Variants in FDFT1 observed in about 807,000 individuals in gnomAD.
The protein encoded by FDFT1 is squalene synthase.
Under a neutral mutation model 46.8 loss-of-function variants are expected in FDFT1, and 68 were observed. That is an observed-to-expected ratio of 1.45 (90% CI 1.19 to 1.78). The LOEUF (loss-of-function observed/expected upper bound fraction) is 1.78, where lower values mean the gene tolerates loss of function less well. Ranked by LOEUF, FDFT1 falls within the 40% of genes most tolerant of loss-of-function variation. FDFT1 has a pLI of 0.00. For synonymous variants in FDFT1, 351 were observed against 185.1 expected (o/e 1.90, Z -7.28); for missense variants, 928 against 524.4 (o/e 1.77, Z -7.52).
chr8:11,836,366 C>A (rs1305911393), intron 7 of FDFT1, among the ~76,000 whole-genome samples: 1 of 152,228 alleles, frequency 6.6e-6, no homozygotes, highest in African/African-American at 2.4e-5. Context: ...TAGGGCTGGA[C>A]CTTGCCTTCT....
chr8:11,822,966 A>AT (rs1809466598), intron 4 of FDFT1, among the ~76,000 whole-genome samples: 1 of 152,048 alleles, frequency 6.6e-6, no homozygotes, highest in Non-Finnish European at 1.5e-5. Context: ...ATTAAAAAAA[A>AT]TTTTTTTTGA....
intron 3 of FDFT1, among the ~76,000 whole-genome samples, chr8:11,819,083 A>C (rs4308694): frequency 1.3e-5 from 2 of 151,920 alleles, no homozygotes; most frequent in African/African-American, 4.8e-5. Flanking sequence ...GCTTGTCTGT[A>C]AAGGATTTTA....
At chr8:11,801,483 C>G (rs1259363654), upstream of FDFT1, among the ~76,000 whole-genome samples, 2 of 152,148 alleles carry the variant, frequency 1.3e-5, no homozygotes, top group African/African-American at 4.8e-5. Context: ...CCATGCCTGG[C>G]TAATTTTTGT....
intron 7 of FDFT1, among the ~76,000 whole-genome samples, chr8:11,832,735 G>C (rs1424925361): frequency 2.0e-5 from 3 of 151,890 alleles, no homozygotes; most frequent in Non-Finnish European, 4.4e-5. Flanking sequence ...GGGTGCTACT[G>C]GCATCTGGTG....
intron 3 of FDFT1, 30 bp from the exon 4 acceptor site, chr8:11,821,720 A>G (rs1391410124): frequency 6.2e-7 from 1 of 1,610,338 alleles, no homozygotes; most frequent in East Asian, 2.2e-5. Context: ...ATATTTCATG[A>G]TTTCTGTGTT....
At chr8:11,808,425 G>C (rs955707682) in intron 1 of FDFT1, 15 of 1,257,728 alleles carry the variant, frequency 1.2e-5, no homozygotes, top group Non-Finnish European at 1.5e-5. Context: ...GCGCGTATTC[G>C]AGTAGAGGGC....
At chr8:11,798,605 G>A (rs947997990), upstream of FDFT1, among the ~76,000 whole-genome samples, 4 of 152,232 alleles carry the variant, frequency 2.6e-5, no homozygotes, top group African/African-American at 9.7e-5. Flanking sequence ...AAAACTGAGA[G>A]GCTGTTAACG....
intron 4 of FDFT1, 51 bp from the exon 5 acceptor site, chr8:11,825,973 A>G (rs2130840969): frequency 7.3e-7 from 1 of 1,362,182 alleles, no homozygotes. Flanking sequence ...TAGTGTGTCC[A>G]TTTCAGTAAA....
intron 4 of FDFT1, among the ~76,000 whole-genome samples, chr8:11,823,935 A>G (rs1056563878): frequency 6.6e-6 from 1 of 151,984 alleles, no homozygotes; most frequent in Non-Finnish European, 1.5e-5. Context: ...TGGTAGAGAC[A>G]GGGTTTCATC....
At chr8:11,819,182 C>T (rs1405881049) in intron 3 of FDFT1, among the ~76,000 whole-genome samples, 1 of 152,190 alleles carries the variant, frequency 6.6e-6, no homozygotes, top group African/African-American at 2.4e-5. Context: ...GGCCCCCACT[C>T]TCTTCTGGCT....
At chr8:11,838,026 C>A (rs371892685) in intron 7 of FDFT1, among the ~76,000 whole-genome samples, 1 of 152,192 alleles carries the variant, frequency 6.6e-6, no homozygotes, top group East Asian at 1.9e-4. Context: ...ATTTCCCTTT[C>A]GTCATGTTAG....
rs566086243 is a variant in FDFT1, at chr8:11,833,441, T to C, written c.1032+1771T>C. Among the ~76,000 whole-genome samples the C allele has an allele frequency of 5.1e-4, 77 of 152,324 alleles. 2 individuals carry two copies. The South Asian group carries it at 0.015, about 29-fold the overall frequency. ...ATTCATTTTATATAAACTAGAAACATTTTATGTAGTAAGTAGTTGAGAGTG... is the reference window on the plus strand; with the variant it reads ...ATTCATTTTATATAAACTAGAAACACTTTATGTAGTAAGTAGTTGAGAGTG... On this transcript the variant is annotated intron_variant, in intron 7 of 7. Transcript: ENST00000220584.
Position 11,830,287 on chromosome 8 carries a change from C to T in FDFT1, c.746C>T (p.Pro249Leu), listed in dbSNP as rs202060379. 3.4e-5 allele frequency: 55 copies of T among 1,613,972 alleles called. No homozygotes were observed. Among genetic ancestry groups the T allele is most frequent in the Middle Eastern group, 1.6e-4 (1 of 6,062 alleles). The change falls in exon 6 of 8, where the codon CCG (proline) becomes CTG (leucine). Residue 249 changes from proline (P) to leucine (L), a missense_variant. By Grantham distance (98) the Pro-to-Leu change is moderately conservative. Transcript: ENST00000220584. ...YVKKLGDFAKPENIDLAVQCL... is the reference protein window; with the variant it reads ...YVKKLGDFAKLENIDLAVQCL... ...AAGAAGTTAGGGGATTTTGCTAAGCCGGAGAATATTGACTTGGCCGTGCAG... is the reference window on the plus strand; with the variant it reads ...AAGAAGTTAGGGGATTTTGCTAAGCTGGAGAATATTGACTTGGCCGTGCAG...
chr8:11,826,129 T>G lies in FDFT1; in HGVS notation c.616T>G (p.Ser206Ala). 1 of 1,609,524 alleles carries G rather than the reference T, an allele frequency of 6.2e-7. No homozygotes were observed. The highest frequency in any genetic ancestry group is 8.5e-7 in the Non-Finnish European group (1 of 1,176,454). Residue 206 changes from serine to alanine, a missense_variant, in exon 5 of 8, where the codon TCT becomes GCT. Transcript: ENST00000220584. ...TGGTGAAGATACAGAACGTGCCAAC[T>G]CTATGGGCCTGTTTTTGCAGAAAAC... Reference protein sequence around the residue: ...LVGEDTERANSMGLFLQKTNI... With the variant: ...LVGEDTERANAMGLFLQKTNI...
chr8:11,807,304 C>G (rs1332960897), intron 1 of FDFT1, among the ~76,000 whole-genome samples: 2 of 152,162 alleles, frequency 1.3e-5, no homozygotes, highest in East Asian at 3.9e-4. Flanking sequence ...GTGGGCGCCA[C>G]CACACCTGGC....
At chr8:11,830,779 G>A (rs1810666117) in intron 6 of FDFT1, among the ~76,000 whole-genome samples, 1 of 152,186 alleles carries the variant, frequency 6.6e-6, no homozygotes, top group Non-Finnish European at 1.5e-5. Context: ...TCTTCATTAA[G>A]CACCTAATTA....
intron 7 of FDFT1, among the ~76,000 whole-genome samples, chr8:11,833,812 G>A (rs1201024466): frequency 6.6e-6 from 1 of 152,200 alleles, no homozygotes; most frequent in African/African-American, 2.4e-5. Flanking sequence ...GCTGACTTCT[G>A]ACTTAGGGTA....
chr8:11,827,518 GAAAA>G lies in FDFT1; in HGVS notation c.702+1311_702+1314del, dbSNP rs34268467. ...CGGTGGCAGAATGAAACTGTCTCAAGAAAAAAAAAAAGTGACAGAGGGAAACAAT... is the reference window on the plus strand; with the variant it reads ...CGGTGGCAGAATGAAACTGTCTCAAGAAAAAAAGTGACAGAGGGAAACAAT... On this transcript the variant is annotated intron_variant, in intron 5 of 7. Transcript: ENST00000220584. Among the ~76,000 whole-genome samples, 289 of 136,358 alleles carry G rather than the reference GAAAA, an allele frequency of 2.1e-3. 1 individual carries two copies. The highest frequency in any genetic ancestry group is 7.5e-3 in the African/African-American group (279 of 37,014). 89.5% of individuals were successfully genotyped at this position (136,358 alleles called of 152,430 possible).
chr8:11,823,945 C>G (rs763749753), intron 4 of FDFT1, among the ~76,000 whole-genome samples: 18 of 152,042 alleles, frequency 1.2e-4, no homozygotes, highest in African/African-American at 4.3e-4. Flanking sequence ...AGGGTTTCAT[C>G]GTGTTGCCTA....
Sources: allele counts gnomAD v4.1 joint callset (sites outside exome capture counted in the v4.1 genomes callset), GRCh38; gene constraint gnomAD v4.1.1; transcripts MANE v1.5; gene names NCBI Gene and HGNC (gene_info 2026-07-23, HGNC 2026-07-21).